The following RSF1 variants were observed in gnomAD, a reference collection of about 807,000 sequenced individuals.
RSF1 encodes HBV pX-associated protein 8.
In RSF1, 13 loss-of-function variants were observed where a neutral mutation model predicts 145.2. The observed-to-expected ratio is 0.09, with a 90% confidence interval of 0.06 to 0.14. RSF1 has a LOEUF of 0.14. RSF1 is among the 10% of genes least tolerant of loss of function. The pLI is 1.00. For missense variants in RSF1, 1,517 were observed against 1,718.2 expected, an observed-to-expected ratio of 0.88 and a Z score of 2.07; for synonymous variants, 577 against 592.6, an observed-to-expected ratio of 0.97 and a Z score of 0.38.
chr11:77,851,599 C>T, the RSF1 span: 1 of 151,964 alleles, frequency 6.6e-6, no homozygotes, highest in East Asian at 1.9e-4. Flanking sequence ...GGGCAGTTCC[C>T]TCATGAATAA....
chr11:77,839,993 A>G, the RSF1 span, among the ~76,000 whole-genome samples: 1 of 152,194 alleles, frequency 6.6e-6, no homozygotes, highest in Non-Finnish European at 1.5e-5. Context: ...TTACATGCAT[A>G]TAACAATTTC....
chr11:77,677,209 G>A (rs1959732291), intron 12 of RSF1: 1 of 539,400 alleles, frequency 1.9e-6, no homozygotes, highest in Admixed American at 3.6e-5. Context: ...AGTTTACTAT[G>A]TAGGGAACCT....
intron 1 of RSF1, among the ~76,000 whole-genome samples, chr11:77,804,685 T>A (rs1412040204): frequency 6.6e-6 from 1 of 151,828 alleles, no homozygotes. Context: ...AAAAAAAAAT[T>A]AGCTGAGTAT....
the RSF1 span, among the ~76,000 whole-genome samples, chr11:77,840,028 AAAAT>A: frequency 6.6e-6 from 1 of 152,154 alleles, no homozygotes; most frequent in Non-Finnish European, 1.5e-5. Flanking sequence ...GCAAAAAAGC[AAAAT>A]AAAGACCAGG....
intron 5 of RSF1, among the ~76,000 whole-genome samples, chr11:77,706,772 CAAT>C (rs1294744593): frequency 5.9e-5 from 9 of 151,956 alleles, no homozygotes; most frequent in Admixed American, 5.2e-4. Flanking sequence ...GTCATCCAGG[CAAT>C]AATAAACATA....
At chr11:77,814,400 G>A (rs1417454522) in intron 1 of RSF1, among the ~76,000 whole-genome samples, 1 of 152,028 alleles carries the variant, frequency 6.6e-6, no homozygotes, top group African/African-American at 2.4e-5. Context: ...CTACTCGGGA[G>A]GTTGGGGCAG....
chr11:77,785,022 GCCT>G (rs1026770193), intron 1 of RSF1, among the ~76,000 whole-genome samples: 3 of 152,042 alleles, frequency 2.0e-5, no homozygotes, highest in Non-Finnish European at 4.4e-5. Flanking sequence ...TCCAATCTTT[GCCT>G]CCTCAACTGA....
chr11:77,800,998 TTC>T (rs1264697437), intron 1 of RSF1, among the ~76,000 whole-genome samples: 2 of 150,256 alleles, frequency 1.3e-5, no homozygotes, highest in South Asian at 2.1e-4. Context: ...GAGCCAGGCC[TTC>T]TCTCTCTCTC....
the RSF1 span, among the ~76,000 whole-genome samples, chr11:77,840,533 G>C: frequency 6.6e-6 from 1 of 150,804 alleles, no homozygotes; most frequent in African/African-American, 2.4e-5. Context: ...CATCTCAAAA[G>C]AAAAAAAAGT....
At position 77,700,826 on chromosome 11, in the gene RSF1, C is replaced by T; in HGVS notation, c.2403G>A (p.Gly801=). The change falls in exon 6 of 16, where the codon GGG becomes GGA. Residue 801 remains glycine, a synonymous_variant. Coordinates refer to ENST00000308488, the MANE Select transcript of RSF1 (RefSeq NM_016578.4). ...IRDQKADKKR[G]EGEDEVEEES... ...CTTCTTCCACCTCATCTTCTCCTTC[C>T]CCTCTTTTTTTATCAGCTTTCTGAT... 6.2e-7 allele frequency: 1 copy of T among 1,613,060 alleles called. No homozygotes were observed. Among genetic ancestry groups the T allele is most frequent in the Non-Finnish European group, 8.5e-7 (1 of 1,179,948 alleles).
At chr11:77,834,450 T>G in the RSF1 span, among the ~76,000 whole-genome samples, 16 of 148,684 alleles carry the variant, frequency 1.1e-4, no homozygotes, top group East Asian at 1.9e-4. Flanking sequence ...TGTTTTTTTT[T>G]TTTTTTTTTT....
At chr11:77,683,662 T>C in intron 11 of RSF1, 48 bp downstream of exon 11, 1 of 1,273,174 alleles carries the variant, frequency 7.9e-7, no homozygotes, top group Non-Finnish European at 1.1e-6. Context: ...GCTGTGTACT[T>C]GCAAAATAAA....
At chr11:77,735,689 A>C (rs557554181) in intron 4 of RSF1, among the ~76,000 whole-genome samples, 8 of 152,332 alleles carry the variant, frequency 5.3e-5, no homozygotes, top group Non-Finnish European at 1.2e-4. Flanking sequence ...TGAAAAAGTC[A>C]AAGTCAAAAT....
chr11:77,768,469 T>A (rs1286778237), intron 1 of RSF1, among the ~76,000 whole-genome samples: 2 of 152,284 alleles, frequency 1.3e-5, no homozygotes, highest in South Asian at 2.1e-4. Flanking sequence ...CCAATCACTA[T>A]TTTTAAAGTA....
chr11:77,810,167 C>G (rs1948716499), intron 1 of RSF1, among the ~76,000 whole-genome samples: 1 of 152,312 alleles, frequency 6.6e-6, no homozygotes, highest in South Asian at 2.1e-4. Flanking sequence ...CCTTTCCCAT[C>G]TGAGTACACG....
At chr11:77,870,043 C>T in the RSF1 span, 1 of 352,574 alleles carries the variant, frequency 2.8e-6, no homozygotes, top group African/African-American at 2.1e-5. Flanking sequence ...CAGAATCCCT[C>T]AAGTTCTACA....
chr11:77,778,205 AGAGGAT>A (rs1948366104), intron 1 of RSF1, among the ~76,000 whole-genome samples: 1 of 18,078 alleles, frequency 5.5e-5, no homozygotes, highest in Non-Finnish European at 1.0e-4. Context: ...AGGGAAGGGG[AGAGGAT>A]GGGGAGGGGA....
At chr11:77,733,484 A>G (rs920590891) in intron 4 of RSF1, among the ~76,000 whole-genome samples, 6 of 151,896 alleles carry the variant, frequency 4.0e-5, no homozygotes, top group South Asian at 2.1e-4. Flanking sequence ...AATCTGGTCT[A>G]TGGTCTTTAT....
chr11:77,690,888 T>C (rs1005151110), intron 9 of RSF1: 2 of 445,270 alleles, frequency 4.5e-6, no homozygotes, highest in Non-Finnish European at 8.0e-6. Flanking sequence ...CAAGGTTGCG[T>C]TCAATAAAAC....
Sources: allele counts gnomAD v4.1 joint callset (sites outside exome capture counted in the v4.1 genomes callset), GRCh38; gene constraint gnomAD v4.1.1; transcripts MANE v1.5; gene names NCBI Gene and HGNC (gene_info 2026-07-23, HGNC 2026-07-21).